The following ZNF423 variants were observed in gnomAD, a reference collection of about 807,000 sequenced individuals.
ZNF423 encodes the protein Ebf-associated zinc finger protein.
Under a neutral mutation model 95.8 loss-of-function variants are expected in ZNF423, and 12 were observed. The observed-to-expected ratio is 0.13, with a 90% CI of 0.08 to 0.20. The LOEUF (loss-of-function observed/expected upper bound fraction) is 0.20, where lower values mean the gene tolerates loss of function less well. Among genes scored for constraint, ZNF423 ranks in the 10% least tolerant of loss-of-function variants. The probability of loss-of-function intolerance (pLI) is 1.00; values close to 1 mark genes in which losing one functional copy is unlikely to be tolerated. For synonymous variants in ZNF423, 749 were observed against 711.9 expected (o/e 1.05, Z -0.83); for missense variants, 1,316 against 1,737.1 (o/e 0.76, Z 4.31).
chr16:49,820,132 G>A (rs933441196), intron 1 of ZNF423, among the ~76,000 whole-genome samples: 2 of 152,020 alleles, frequency 1.3e-5, no homozygotes, highest in African/African-American at 2.4e-5. Context: ...ACGGACGGAC[G>A]GACAGACAGA....
chr16:49,854,355 G>C, intron 1 of ZNF423: 1 of 985,430 alleles, frequency 1.0e-6, no homozygotes, highest in Non-Finnish European at 1.2e-6. Flanking sequence ...GACTTCAGGA[G>C]GACAGAACTG....
intron 5 of ZNF423, among the ~76,000 whole-genome samples, chr16:49,577,466 T>A (rs967257303): frequency 6.6e-6 from 1 of 151,692 alleles, no homozygotes; most frequent in African/African-American, 2.4e-5. Context: ...CAGGGCCCCA[T>A]GTCCAGCAAG....
intron 7 of ZNF423, among the ~76,000 whole-genome samples, chr16:49,495,551 T>C (rs1046393094): frequency 5.9e-5 from 9 of 152,314 alleles, no homozygotes; most frequent in Non-Finnish European, 1.2e-4. Flanking sequence ...TTTGAGCCAA[T>C]GAGCCACTAT....
intron 1 of ZNF423, among the ~76,000 whole-genome samples, chr16:49,800,833 G>C (rs186523683): frequency 6.6e-6 from 1 of 152,348 alleles, no homozygotes; most frequent in East Asian, 1.9e-4. Flanking sequence ...GGCCAGGGCA[G>C]ATGTTTCCAA....
chr16:49,846,284 A>G (rs1019135826), intron 1 of ZNF423, among the ~76,000 whole-genome samples: 5 of 136,458 alleles, frequency 3.7e-5, no homozygotes, highest in Non-Finnish European at 4.6e-5. Flanking sequence ...TGGCTGACAG[A>G]GCAAGACTCT....
intron 3 of ZNF423, among the ~76,000 whole-genome samples, chr16:49,693,730 T>A (rs2031871618): frequency 6.6e-6 from 1 of 152,196 alleles, no homozygotes; most frequent in African/African-American, 2.4e-5. Flanking sequence ...GGCTATGAGC[T>A]TGGGGCCACC....
At position 49,793,915 on chromosome 16, in the gene ZNF423, T is replaced by C. The variant is rs533973664; in HGVS notation, c.41-4369A>G. On this transcript the variant is annotated intron_variant, in intron 1 of 7. Transcript: ENST00000563137. ...TGCAAACTCAAGCCCCTCTGCACAC[T>C]GGGAGGGGTCCCAGCAGTGGGGTTC... Among the ~76,000 whole-genome samples, 9 of 152,336 alleles carry C rather than the reference T, an allele frequency of 5.9e-5. No homozygotes were observed. In the South Asian group the frequency reaches 1.7e-3, roughly 28 times the overall value.
chr16:49,760,499 G>T (rs35073496), intron 2 of ZNF423, among the ~76,000 whole-genome samples: 1 of 152,128 alleles, frequency 6.6e-6, no homozygotes, highest in Non-Finnish European at 1.5e-5. Flanking sequence ...GCACACAGTA[G>T]GCCTCCAATA....
intron 3 of ZNF423, among the ~76,000 whole-genome samples, chr16:49,701,301 T>C (rs1213391553): frequency 6.6e-6 from 1 of 152,230 alleles, no homozygotes; most frequent in East Asian, 1.9e-4. Flanking sequence ...CCTCTGTCTT[T>C]TCAAGACTTC....
chr16:49,533,403 C>A (rs1299361293), intron 5 of ZNF423, among the ~76,000 whole-genome samples: 1 of 152,226 alleles, frequency 6.6e-6, no homozygotes, highest in African/African-American at 2.4e-5. Context: ...GCAAGATCGG[C>A]CATCTGGCCA....
intron 3 of ZNF423, among the ~76,000 whole-genome samples, chr16:49,696,455 G>A (rs1394782460): frequency 6.6e-6 from 1 of 152,174 alleles, no homozygotes; most frequent in African/African-American, 2.4e-5. Flanking sequence ...GCTCCCCATG[G>A]TGCCAGATTC....
intron 3 of ZNF423, among the ~76,000 whole-genome samples, chr16:49,668,927 C>T (rs569719775): frequency 4.7e-4 from 72 of 152,284 alleles, no homozygotes; most frequent in Non-Finnish European, 9.6e-4. Context: ...TGTCTCCTTC[C>T]TTACTTGAGG....
intron 5 of ZNF423, among the ~76,000 whole-genome samples, chr16:49,618,554 A>G (rs186417450): frequency 6.6e-6 from 1 of 152,232 alleles, no homozygotes; most frequent in Admixed American, 6.5e-5. Context: ...TCCTGCCGCC[A>G]TGTAAGACGT....
At chr16:49,856,794 C>A (rs1474828782), upstream of ZNF423, among the ~76,000 whole-genome samples, 2 of 147,958 alleles carry the variant, frequency 1.4e-5, no homozygotes, top group East Asian at 3.9e-4. Flanking sequence ...CGGTGCTCAG[C>A]GCGAGGCGCG....
intron 7 of ZNF423, among the ~76,000 whole-genome samples, chr16:49,493,588 G>A (rs1276203565): frequency 6.6e-6 from 1 of 152,178 alleles, no homozygotes; most frequent in Non-Finnish European, 1.5e-5. Flanking sequence ...TTAGGGGGAG[G>A]ACAGGGAGGA....
At chr16:49,692,635 G>C (rs888615405) in intron 3 of ZNF423, among the ~76,000 whole-genome samples, 3 of 152,224 alleles carry the variant, frequency 2.0e-5, no homozygotes, top group African/African-American at 7.2e-5. Context: ...ACAGGGGAAA[G>C]CTTGGAGAAA....
intron 3 of ZNF423, among the ~76,000 whole-genome samples, chr16:49,702,033 T>G (rs1036714845): frequency 2.6e-5 from 4 of 152,046 alleles, no homozygotes; most frequent in Non-Finnish European, 5.9e-5. Flanking sequence ...CCCCCAGGGG[T>G]CTGTGGCTCA....
intron 2 of ZNF423, among the ~76,000 whole-genome samples, chr16:49,786,781 C>T (rs1204864324): frequency 6.6e-6 from 1 of 152,242 alleles, no homozygotes; most frequent in African/African-American, 2.4e-5. Flanking sequence ...TTTCCCTCAT[C>T]TGTCAAATGA....
chr16:49,721,094 A>T (rs543239479), intron 3 of ZNF423, among the ~76,000 whole-genome samples: 1 of 152,246 alleles, frequency 6.6e-6, no homozygotes, highest in African/African-American at 2.4e-5. Flanking sequence ...GTCAACAGAC[A>T]TGGGGCAGTG....
Sources: allele counts gnomAD v4.1 joint callset (sites outside exome capture counted in the v4.1 genomes callset), GRCh38; gene constraint gnomAD v4.1.1; transcripts MANE v1.5; gene names NCBI Gene and HGNC (gene_info 2026-07-23, HGNC 2026-07-21).